The following NAA15 variants were observed in gnomAD, a reference collection of about 807,000 sequenced individuals.
NAA15 encodes N-alpha-acetyltransferase 15, NatA auxiliary subunit.
NAA15 carries 34 observed loss-of-function variants against 114.0 expected under a neutral mutation model. The observed-to-expected ratio is 0.30, with a 90% CI of 0.23 to 0.40. NAA15 has a LOEUF of 0.40. Ranked by LOEUF, NAA15 falls within the 10% of genes least tolerant of loss-of-function variation. NAA15 has a pLI of 1.00. For missense variants in NAA15, 658 were observed against 1,004.5 expected, an observed-to-expected ratio of 0.66 and a Z score of 4.66; for synonymous variants, 340 against 338.0, an observed-to-expected ratio of 1.01 and a Z score of -0.06.
chr4:139,333,489 A>G (rs866963112), intron 1 of NAA15, among the ~76,000 whole-genome samples: 1 of 149,552 alleles, frequency 6.7e-6, no homozygotes, highest in Non-Finnish European at 1.5e-5. Context: ...CAGTCTGGGT[A>G]TTTTTTCCGT....
chr4:139,350,697 A>G (rs1197629791), intron 7 of NAA15, among the ~76,000 whole-genome samples: 1 of 152,254 alleles, frequency 6.6e-6, no homozygotes, highest in Non-Finnish European at 1.5e-5. Context: ...TGTCTGCAAA[A>G]GGAAGAGTAG....
At chr4:139,383,263 AC>A (rs1398775059) in intron 17 of NAA15, among the ~76,000 whole-genome samples, 1 of 152,164 alleles carries the variant, frequency 6.6e-6, no homozygotes, top group Non-Finnish European at 1.5e-5. Flanking sequence ...ATTAGATATC[AC>A]CCCAGTTTTA....
In NAA15 at chr4:139,390,494, G is replaced by A. The variant is rs910681525; in HGVS notation, c.*2410G>A. ...GGGAAAAACAGGGTTAGAAAAACAA[G>A]TGGAAAAAATGGAGTGATGTTGTAA... On this transcript the variant is annotated 3_prime_UTR_variant, in exon 20 of 20. Transcript: ENST00000296543. The A allele has an allele frequency of 6.6e-6, 1 of 152,602 alleles. No individual in the cohort carries two copies. The highest frequency in any genetic ancestry group is 1.5e-5 in the Non-Finnish European group (1 of 68,020). 9.5% of individuals were successfully genotyped at this position (152,602 alleles called of 1,614,324 possible).
At chr4:139,354,235 C>A in intron 10 of NAA15, 137 bp downstream of exon 10, 1 of 634,964 alleles carries the variant, frequency 1.6e-6, no homozygotes, top group Non-Finnish European at 2.8e-6. Context: ...AGAGGGAGAT[C>A]CATTAATTTG....
At chr4:139,345,307 A>C (rs1579110233) in intron 6 of NAA15, among the ~76,000 whole-genome samples, 1 of 152,304 alleles carries the variant, frequency 6.6e-6, no homozygotes, top group East Asian at 1.9e-4. Flanking sequence ...TCTGTTAATC[A>C]CAAAGGAAGG....
rs749511460 is a variant in NAA15, at chr4:139,343,007, A to G, written c.537+47A>G. ...ACTAAGTCTGATCCTAAGTATAACTAAAAAAATAATGTGCATAGTCTGGCT... is the reference window on the plus strand; with the variant it reads ...ACTAAGTCTGATCCTAAGTATAACTGAAAAAATAATGTGCATAGTCTGGCT... On this transcript the variant is annotated intron_variant, in intron 5 of 19. Coordinates refer to ENST00000296543, the MANE Select transcript of NAA15 (RefSeq NM_057175.5). 22 of 1,517,656 alleles carry G rather than the reference A, an allele frequency of 1.4e-5. No homozygotes were observed. In the South Asian group the frequency reaches 2.6e-4, roughly 18 times the overall value. The allele number at this position is 1,517,656 out of a possible 1,614,324, so 94.0% of individuals were successfully genotyped here. A position where few individuals can be genotyped will look rare whatever the true frequency, so the allele number is the denominator to read the frequency against.
At chr4:139,385,890 T>G (rs953697520) in intron 18 of NAA15, among the ~76,000 whole-genome samples, 2 of 152,198 alleles carry the variant, frequency 1.3e-5, no homozygotes, top group Non-Finnish European at 2.9e-5. Context: ...TGCATATACA[T>G]TCTATTTTAT....
At chr4:139,343,915 T>C (rs1213411703) in intron 5 of NAA15, among the ~76,000 whole-genome samples, 1 of 152,152 alleles carries the variant, frequency 6.6e-6, no homozygotes, top group African/African-American at 2.4e-5. Context: ...GGTTTATTAT[T>C]TGGCATTCTA....
intron 4 of NAA15, among the ~76,000 whole-genome samples, chr4:139,342,460 G>C (rs890439762): frequency 6.7e-6 from 1 of 149,848 alleles, no homozygotes; most frequent in African/African-American, 2.5e-5. Context: ...GCTTGGGGTT[G>C]TGGGATAAAT....
chr4:139,328,487 C>T (rs1482657337), intron 1 of NAA15, among the ~76,000 whole-genome samples: 3 of 151,918 alleles, frequency 2.0e-5, no homozygotes, highest in African/African-American at 4.8e-5. Flanking sequence ...GGATTACAGG[C>T]GTGAGCCACC....
At chr4:139,336,793 T>C in intron 2 of NAA15, 55 bp from the exon 3 acceptor site, 1 of 1,040,980 alleles carries the variant, frequency 9.6e-7, no homozygotes, top group South Asian at 2.2e-5. Flanking sequence ...TTGTTATTTA[T>C]TTTTAATATT....
intron 1 of NAA15, among the ~76,000 whole-genome samples, chr4:139,318,120 T>TA (rs1236181328): frequency 2.7e-4 from 41 of 152,346 alleles, no homozygotes; most frequent in African/African-American, 9.4e-4. Flanking sequence ...CTTCCAAAGA[T>TA]AAAGACCAAT....
intron 1 of NAA15, among the ~76,000 whole-genome samples, chr4:139,318,083 A>G (rs1186708611): frequency 1.3e-5 from 2 of 152,230 alleles, no homozygotes; most frequent in African/African-American, 4.8e-5. Context: ...AAGACCATAT[A>G]TGTAATTTTC....
intron 11 of NAA15, 108 bp downstream of exon 11, chr4:139,357,663 A>G: frequency 1.4e-6 from 1 of 719,620 alleles, no homozygotes; most frequent in Non-Finnish European, 2.2e-6. Flanking sequence ...TTGATAACTC[A>G]AAAAACATGA....
intron 1 of NAA15, among the ~76,000 whole-genome samples, chr4:139,331,206 C>A (rs549099397): frequency 6.6e-6 from 1 of 152,114 alleles, no homozygotes; most frequent in African/African-American, 2.4e-5. Context: ...TCCCTATTTT[C>A]TCCCATCCCC....
intron 1 of NAA15, 48 bp downstream of exon 1, chr4:139,301,879 C>T (rs746469000): frequency 5.2e-6 from 8 of 1,548,216 alleles, no homozygotes; most frequent in African/African-American, 2.7e-5. Flanking sequence ...TAGCCGGTAA[C>T]CGGGCCTGTC....
At chr4:139,330,966 C>T (rs1237515767) in intron 1 of NAA15, among the ~76,000 whole-genome samples, 1 of 152,100 alleles carries the variant, frequency 6.6e-6, no homozygotes, top group East Asian at 1.9e-4. Context: ...TGATTTTTGT[C>T]ATCACTTGCA....
chr4:139,352,596 A>G (rs1234336058), intron 9 of NAA15, among the ~76,000 whole-genome samples: 2 of 151,282 alleles, frequency 1.3e-5, no homozygotes, highest in East Asian at 1.9e-4. Context: ...TGGAGACCCA[A>G]CGTATGGGCT....
intron 7 of NAA15, among the ~76,000 whole-genome samples, chr4:139,350,252 G>C (rs1282231166): frequency 6.6e-6 from 1 of 152,174 alleles, no homozygotes; most frequent in Non-Finnish European, 1.5e-5. Flanking sequence ...AGCTCAGCAT[G>C]GGCAACATGG....
Sources: gnomAD v4.1 joint callset for allele counts (sites outside exome capture counted in the v4.1 genomes callset) on GRCh38, gnomAD v4.1.1 for gene constraint, MANE v1.5 for transcripts, NCBI Gene and HGNC (gene_info 2026-07-23, HGNC 2026-07-21) for gene names.